MAP2: variants seen among roughly 807,000 people sequenced by gnomAD.
MAP2 encodes microtubule associated protein 2.
MAP2 carries 14 observed loss-of-function variants against 137.6 expected under a neutral mutation model. The observed-to-expected ratio is 0.10, with a 90% CI of 0.07 to 0.16. MAP2 has a LOEUF of 0.16. MAP2 is among the 10% of genes least tolerant of loss of function. The pLI, the probability that MAP2 is intolerant of heterozygous loss-of-function variation, is 1.00. For missense variants in MAP2, 2,088 were observed against 2,191.5 expected (o/e 0.95, Z 0.94); for synonymous variants, 786 against 782.3 (o/e 1.00, Z -0.08).
chr2:209,552,808 C>T (rs1240474628), intron 2 of MAP2, among the ~76,000 whole-genome samples: 1 of 151,944 alleles, frequency 6.6e-6, no homozygotes, highest in East Asian at 1.9e-4. Flanking sequence ...TTGTGCTGAG[C>T]CAAGATCGCG....
intron 7 of MAP2, among the ~76,000 whole-genome samples, chr2:209,683,719 G>C (rs1281709755): frequency 6.6e-6 from 1 of 151,932 alleles, no homozygotes; most frequent in African/African-American, 2.4e-5. Flanking sequence ...CTTATCTAGG[G>C]GATTATTTAC....
intron 3 of MAP2, among the ~76,000 whole-genome samples, chr2:209,597,844 G>T (rs2081723341): frequency 6.6e-6 from 1 of 151,772 alleles, no homozygotes; most frequent in African/African-American, 2.4e-5. Flanking sequence ...CTGCTTATTG[G>T]CTGGGTCTCA....
intron 11 of MAP2, chr2:209,704,486 AG>A (rs761153801): frequency 4.0e-5 from 64 of 1,612,128 alleles, no homozygotes; most frequent in Non-Finnish European, 5.3e-5. Flanking sequence ...TTTACAGGGT[AG>A]CACAAAGTCC....
intron 11 of MAP2, chr2:209,704,371 T>A (rs2062723858): frequency 7.7e-7 from 1 of 1,295,376 alleles, no homozygotes; most frequent in African/African-American, 1.5e-5. Flanking sequence ...TTCTTATATG[T>A]TTATACTTCT....
At chr2:209,679,495 ATAT>A (rs1475869451) in intron 6 of MAP2, among the ~76,000 whole-genome samples, 4 of 151,676 alleles carry the variant, frequency 2.6e-5, no homozygotes, top group Non-Finnish European at 1.5e-5. Context: ...TTTCACAGGT[ATAT>A]ACACGTGAGT....
intron 4 of MAP2, among the ~76,000 whole-genome samples, chr2:209,631,019 AAAAAAAAAAAAAAAAAG>A (rs1354633596): frequency 7.2e-6 from 1 of 138,552 alleles, no homozygotes; most frequent in African/African-American, 2.7e-5. Flanking sequence ...AAAAAAAAAA[AAAAAAAAAAAAAAAAAG>A]AGAGAGAGAG....
At chr2:209,581,516 A>G (rs2076412217) in intron 3 of MAP2, among the ~76,000 whole-genome samples, 1 of 152,182 alleles carries the variant, frequency 6.6e-6, no homozygotes, top group Admixed American at 6.6e-5. Context: ...TTTCACCTAG[A>G]TATTGTAAAA....
chr2:209,530,301 A>T (rs1577249454), intron 2 of MAP2, among the ~76,000 whole-genome samples: 1 of 152,166 alleles, frequency 6.6e-6, no homozygotes, highest in Admixed American at 6.6e-5. Context: ...ATTTCATCGT[A>T]CTTTGCTATA....
intron 1 of MAP2, among the ~76,000 whole-genome samples, chr2:209,489,130 A>G (rs1478296667): frequency 6.6e-6 from 1 of 152,214 alleles, no homozygotes; most frequent in Non-Finnish European, 1.5e-5. Flanking sequence ...ACCTTCGCTG[A>G]TGATACCCAG....
At chr2:209,660,462 C>T (rs1160027014) in intron 5 of MAP2, among the ~76,000 whole-genome samples, 2 of 137,472 alleles carry the variant, frequency 1.5e-5, no homozygotes, top group Non-Finnish European at 3.0e-5. Flanking sequence ...GGCGCGATCT[C>T]GGCACACTGC....
At chr2:209,527,659 G>A (rs80083618) in intron 2 of MAP2, among the ~76,000 whole-genome samples, 3,887 of 152,208 alleles carry the variant, frequency 0.026, 146 homozygotes, top group African/African-American at 0.088. Context: ...GGTGAGAGCT[G>A]AGCTCCTGAT....
At position 209,696,765 on chromosome 2, in the gene MAP2, C is replaced by G; in HGVS notation, c.4387+17C>G. 1 of 1,593,140 alleles carries G rather than the reference C, an allele frequency of 6.3e-7. No homozygotes were observed. Among genetic ancestry groups the G allele is most frequent in the East Asian group, 2.2e-5 (1 of 44,718 alleles). Reference sequence around the variant, plus strand: ...GGAAAAAAGGTTCATTTAACAATCACTTCTTTAAAAATGTTTTTGAAGTAA... The same window carrying G: ...GGAAAAAAGGTTCATTTAACAATCAGTTCTTTAAAAATGTTTTTGAAGTAA... On this transcript the variant is annotated intron_variant, in intron 9 of 15. Transcript: ENST00000682079.
At chr2:209,591,753 T>G (rs1559367468) in intron 3 of MAP2, among the ~76,000 whole-genome samples, 1 of 152,188 alleles carries the variant, frequency 6.6e-6, no homozygotes, top group Non-Finnish European at 1.5e-5. Context: ...ATACTTCCAT[T>G]TCTTAACTTG....
chr2:209,479,195 A>G (rs1708134364), intron 1 of MAP2, among the ~76,000 whole-genome samples: 2 of 151,920 alleles, frequency 1.3e-5, no homozygotes, highest in East Asian at 1.9e-4. Context: ...AGATTGATCA[A>G]TTTTTTCCTT....
chr2:209,524,460 TATG>T (rs2150442933), intron 2 of MAP2, among the ~76,000 whole-genome samples: 1 of 152,250 alleles, frequency 6.6e-6, no homozygotes. Flanking sequence ...CTGTTAGCTT[TATG>T]ATAATTGCTA....
intron 2 of MAP2, among the ~76,000 whole-genome samples, chr2:209,578,614 G>T (rs1228125963): frequency 6.6e-6 from 1 of 151,980 alleles, no homozygotes; most frequent in Non-Finnish European, 1.5e-5. Context: ...ACTGGTTCAG[G>T]TTGCTAACAA....
chr2:209,726,667 G>A (rs987473930), intron 14 of MAP2, among the ~76,000 whole-genome samples: 1 of 152,140 alleles, frequency 6.6e-6, no homozygotes, highest in African/African-American at 2.4e-5. Context: ...TGGAGGCTGA[G>A]GCAAGAGGAT....
intron 2 of MAP2, among the ~76,000 whole-genome samples, chr2:209,511,627 A>G (rs1487215992): frequency 1.3e-5 from 2 of 152,114 alleles, no homozygotes; most frequent in African/African-American, 2.4e-5. Flanking sequence ...GCTGGAGTAT[A>G]GTGACACAAT....
chr2:209,589,132 A>G (rs971690369), intron 3 of MAP2, among the ~76,000 whole-genome samples: 1 of 152,160 alleles, frequency 6.6e-6, no homozygotes, highest in African/African-American at 2.4e-5. Flanking sequence ...AGAATAATGC[A>G]ACCAGTTAAG....
Sources: allele counts gnomAD v4.1 joint callset (sites outside exome capture counted in the v4.1 genomes callset), GRCh38; gene constraint gnomAD v4.1.1; transcripts MANE v1.5; gene names NCBI Gene and HGNC (gene_info 2026-07-23, HGNC 2026-07-21).